Variants in EPHA5 observed in about 807,000 individuals in gnomAD.
EPHA5 encodes EPH receptor A5.
In EPHA5, 60 loss-of-function variants were observed where a neutral mutation model predicts 105.0. The observed-to-expected ratio is 0.57, with a 90% CI of 0.46 to 0.71. The LOEUF (loss-of-function observed/expected upper bound fraction) is 0.71, where lower values mean the gene tolerates loss of function less well. Ranked by LOEUF, EPHA5 falls within the 30% of genes least tolerant of loss-of-function variation. The pLI, the probability that EPHA5 is intolerant of heterozygous loss-of-function variation, is 0.00. For synonymous variants in EPHA5, 513 were observed against 449.1 expected, an observed-to-expected ratio of 1.14 and a Z score of -1.80; for missense variants, 1,218 against 1,274.7, an observed-to-expected ratio of 0.96 and a Z score of 0.68.
intron 5 of EPHA5, among the ~76,000 whole-genome samples, chr4:65,477,620 G>T (rs558606514): frequency 6.6e-6 from 1 of 151,978 alleles, no homozygotes; most frequent in Non-Finnish European, 1.5e-5. Flanking sequence ...CACCATCTTT[G>T]CCAGGATGGT....
At chr4:65,550,187 G>A in intron 3 of EPHA5, among the ~76,000 whole-genome samples, 1 of 151,374 alleles carries the variant, frequency 6.6e-6, no homozygotes, top group East Asian at 1.9e-4. Flanking sequence ...CAAACATAAG[G>A]AAAAAGAAAC....
At chr4:65,456,896 G>T (rs1317787075) in intron 5 of EPHA5, among the ~76,000 whole-genome samples, 1 of 151,950 alleles carries the variant, frequency 6.6e-6, no homozygotes. Flanking sequence ...TAATTAAAGT[G>T]CTTAGTGCCT....
chr4:65,388,125 T>C (rs1440029384), intron 8 of EPHA5, among the ~76,000 whole-genome samples: 1 of 151,008 alleles, frequency 6.6e-6, no homozygotes, highest in African/African-American at 2.4e-5. Context: ...ATTTCATCCA[T>C]GTCCCTACAA....
rs572298944 is a variant in EPHA5 at position 65,369,083 on chromosome 4, T to C, written c.1794-1659A>G. Among the ~76,000 whole-genome samples, 6 of 152,286 alleles carry C rather than the reference T, an allele frequency of 3.9e-5. No individual in the cohort carries two copies. In the South Asian group the frequency reaches 8.3e-4, roughly 21 times the overall value. On this transcript the variant is annotated intron_variant, in intron 8 of 16. Transcript: ENST00000613740. ...GCTTCCTTACTGCTTTTTAGCTTAT[T>C]GAATGGCAACAAATTTTATTCATCT...
intron 5 of EPHA5, among the ~76,000 whole-genome samples, chr4:65,427,182 A>G (rs1169838800): frequency 9.5e-6 from 1 of 104,902 alleles, no homozygotes; most frequent in Non-Finnish European, 1.9e-5. Context: ...ACTCGAGTGT[A>G]TTCTTTTTTT....
intron 3 of EPHA5, among the ~76,000 whole-genome samples, chr4:65,537,053 C>G (rs1354476956): frequency 6.6e-6 from 1 of 151,658 alleles, no homozygotes; most frequent in Non-Finnish European, 1.5e-5. Context: ...CCATAAAACC[C>G]TTGGGATCCA....
chr4:65,561,271 A>G (rs1006012414), intron 3 of EPHA5, among the ~76,000 whole-genome samples: 1 of 152,108 alleles, frequency 6.6e-6, no homozygotes, highest in African/African-American at 2.4e-5. Context: ...GGGAAGACCT[A>G]TCAAATGTCT....
chr4:65,440,202 T>A (rs1469231501), intron 5 of EPHA5, among the ~76,000 whole-genome samples: 2 of 152,050 alleles, frequency 1.3e-5, no homozygotes, highest in Admixed American at 6.6e-5. Flanking sequence ...GTCATAGACA[T>A]AATCAATATG....
chr4:65,612,980 G>T (rs1167686707), intron 2 of EPHA5, among the ~76,000 whole-genome samples: 1 of 151,924 alleles, frequency 6.6e-6, no homozygotes, highest in Non-Finnish European at 1.5e-5. Context: ...AGCTTTCCAT[G>T]GTTTTGCTTA....
intron 5 of EPHA5, among the ~76,000 whole-genome samples, chr4:65,464,328 T>A (rs1298820840): frequency 6.6e-6 from 1 of 151,986 alleles, no homozygotes; most frequent in Non-Finnish European, 1.5e-5. Flanking sequence ...CTGACGTGCC[T>A]ACAAAATTTA....
intron 2 of EPHA5, among the ~76,000 whole-genome samples, chr4:65,619,973 G>A (rs1745568676): frequency 6.6e-6 from 1 of 150,400 alleles, no homozygotes; most frequent in Non-Finnish European, 1.5e-5. Flanking sequence ...TGCTCAATTT[G>A]AATGACCCAG....
chr4:65,519,205 A>C (rs1444845831), intron 3 of EPHA5, among the ~76,000 whole-genome samples: 1 of 152,096 alleles, frequency 6.6e-6, no homozygotes, highest in Non-Finnish European at 1.5e-5. Flanking sequence ...ATAAAAAATA[A>C]ATGTAAATGC....
chr4:65,581,496 T>C (rs545254528), intron 3 of EPHA5, among the ~76,000 whole-genome samples: 1 of 151,876 alleles, frequency 6.6e-6, no homozygotes, highest in South Asian at 2.1e-4. Flanking sequence ...GGTCTATTTC[T>C]GGCAGAGGTG....
Position 65,342,100 on chromosome 4 carries a change from T to G in EPHA5, c.2595+5954A>C, listed in dbSNP as rs190281083. ...CTGTTGAAGCCTATTCCCTTTATAA[T>G]CATTGAAACTGACCAAGAGTTGTAG... On this transcript the variant is annotated intron_variant, in intron 14 of 16. Transcript: ENST00000613740. 2.6e-5 allele frequency among the ~76,000 whole-genome samples: 4 copies of G among 152,262 alleles called. No individual in the cohort carries two copies. In the East Asian group the frequency reaches 7.7e-4, roughly 29 times the overall value.
chr4:65,610,787 G>C (rs933764215), intron 2 of EPHA5, among the ~76,000 whole-genome samples: 1 of 152,008 alleles, frequency 6.6e-6, no homozygotes, highest in African/African-American at 2.4e-5. Context: ...AGTGCCATGA[G>C]TTATAATTTT....
intron 1 of EPHA5, 26 bp from the exon 2 acceptor site, chr4:65,643,453 A>G (rs1186380434): frequency 1.3e-6 from 2 of 1,575,120 alleles, no homozygotes; most frequent in South Asian, 1.1e-5. Flanking sequence ...CAAAAAACTC[A>G]GTGAAATGTA....
At chr4:65,437,263 T>G (rs1272585812) in intron 5 of EPHA5, among the ~76,000 whole-genome samples, 1 of 152,032 alleles carries the variant, frequency 6.6e-6, no homozygotes, top group Non-Finnish European at 1.5e-5. Context: ...CTACTGAGTT[T>G]ATAAGTTTCA....
intron 3 of EPHA5, among the ~76,000 whole-genome samples, chr4:65,561,831 T>C (rs957101231): frequency 5.9e-5 from 9 of 152,028 alleles, no homozygotes; most frequent in African/African-American, 1.9e-4. Flanking sequence ...TTAAGTAAGA[T>C]TGATATACCA....
intron 3 of EPHA5, among the ~76,000 whole-genome samples, chr4:65,601,218 G>A (rs1743692206): frequency 6.6e-6 from 1 of 152,104 alleles, no homozygotes; most frequent in African/African-American, 2.4e-5. Flanking sequence ...TTAAAAACAT[G>A]CCAAAACTAG....
Sources: gnomAD v4.1 joint callset for allele counts (sites outside exome capture counted in the v4.1 genomes callset) on GRCh38, gnomAD v4.1.1 for gene constraint, MANE v1.5 for transcripts, NCBI Gene and HGNC (gene_info 2026-07-23, HGNC 2026-07-21) for gene names.